The following STK3 variants were observed in gnomAD, a reference collection of about 807,000 sequenced individuals.
The protein encoded by STK3 is serine/threonine-protein kinase 3.
Under a neutral mutation model 58.0 loss-of-function variants are expected in STK3, and 41 were observed. The observed-to-expected ratio is 0.71, with a 90% CI of 0.55 to 0.92. STK3 has a LOEUF of 0.92. Ranked by LOEUF, STK3 falls within the 40% of genes least tolerant of loss-of-function variation. The pLI, the probability that STK3 is intolerant of heterozygous loss-of-function variation, is 0.00. For missense variants in STK3, 479 were observed against 602.7 expected, an observed-to-expected ratio of 0.79 and a Z score of 2.15; for synonymous variants, 170 against 191.0, an observed-to-expected ratio of 0.89 and a Z score of 0.91.
chr8:98,404,656 G>T (rs1054015933), intron 3 of STK3, among the ~76,000 whole-genome samples: 4 of 134,600 alleles, frequency 3.0e-5, no homozygotes, highest in Non-Finnish European at 6.1e-5. Context: ...CTCCAGCCTG[G>T]GTGAAAGAGC....
chr8:98,903,491 T>C (rs939361954), intron 1 of STK3, among the ~76,000 whole-genome samples: 4 of 20,108 alleles, frequency 2.0e-4, no homozygotes, highest in Non-Finnish European at 2.7e-4. Context: ...TAGGAAGTTC[T>C]TCTTCTTCTT....
intron 1 of STK3, among the ~76,000 whole-genome samples, chr8:98,885,708 G>A (rs1837963437): frequency 6.6e-6 from 1 of 152,184 alleles, no homozygotes; most frequent in Non-Finnish European, 1.5e-5. Context: ...CCAAAGTGCT[G>A]GGATTACAGG....
intron 6 of STK3, among the ~76,000 whole-genome samples, chr8:98,682,468 C>T (rs1294929371): frequency 6.6e-6 from 1 of 152,116 alleles, no homozygotes; most frequent in Non-Finnish European, 1.5e-5. Flanking sequence ...AAGTCACTTA[C>T]CGAAATGCTT....
chr8:98,451,238 A>G (rs1222160923), downstream of STK3, among the ~76,000 whole-genome samples: 1 of 152,270 alleles, frequency 6.6e-6, no homozygotes, highest in East Asian at 1.9e-4. Context: ...ATACCAAATT[A>G]TATCTAATAT....
rs774700564 is a variant in STK3, at chr8:98,787,849, G to A, written c.27-13030C>T. 2.2e-4 allele frequency among the ~76,000 whole-genome samples: 33 copies of A among 152,140 alleles called. 2 individuals carry two copies. Among genetic ancestry groups the A allele is most frequent in the Admixed American group, 6.5e-4 (10 of 15,280 alleles). ...AGCGAAACTAAGCTACATAAATGTC[G>A]GAAAGATACAGTCTTTTTCAGACAA... is the stretch of plus-strand genomic sequence containing the variant. On this transcript the variant is annotated intron_variant, in intron 1 of 10. Transcript: ENST00000419617.
intron 3 of STK3, among the ~76,000 whole-genome samples, chr8:98,396,220 T>C (rs557330297): frequency 4.6e-5 from 7 of 152,356 alleles, no homozygotes; most frequent in Admixed American, 6.5e-5. Flanking sequence ...TTCAAAAACA[T>C]CCGCTGTTAA....
intron 1 of STK3, among the ~76,000 whole-genome samples, chr8:98,898,200 C>T (rs1440817694): frequency 2.6e-5 from 4 of 152,228 alleles, no homozygotes; most frequent in Middle Eastern, 3.2e-3. Context: ...TGGCCTGATG[C>T]CGGACCTTAT....
upstream of STK3, among the ~76,000 whole-genome samples, chr8:98,389,880 C>G (rs139776223): frequency 6.6e-6 from 1 of 151,774 alleles, no homozygotes; most frequent in Non-Finnish European, 1.5e-5. Flanking sequence ...GGGAGAAGAA[C>G]CGGACAGCTA....
At chr8:98,729,216 T>C (rs1451743713) in intron 4 of STK3, among the ~76,000 whole-genome samples, 1 of 152,202 alleles carries the variant, frequency 6.6e-6, no homozygotes, top group African/African-American at 2.4e-5. Flanking sequence ...GTTCAAGTGA[T>C]TCTCATGCCT....
At chr8:98,930,646 C>T (rs938173110) in intron 1 of STK3, among the ~76,000 whole-genome samples, 2 of 152,114 alleles carry the variant, frequency 1.3e-5, no homozygotes, top group African/African-American at 2.4e-5. Flanking sequence ...CTTAAATTGC[C>T]TCATTTAGGA....
chr8:98,546,215 T>A (rs1216278904), intron 9 of STK3, among the ~76,000 whole-genome samples: 1 of 152,182 alleles, frequency 6.6e-6, no homozygotes, highest in East Asian at 1.9e-4. Context: ...AACAAAATTA[T>A]AACATGTATT....
At chr8:98,740,952 CT>C (rs1829151286) in intron 4 of STK3, among the ~76,000 whole-genome samples, 1 of 152,064 alleles carries the variant, frequency 6.6e-6, no homozygotes, top group East Asian at 1.9e-4. Context: ...ATCCTAGTCT[CT>C]GATAAAACAG....
At position 98,936,661 on chromosome 8, in the gene STK3, G is replaced by C. The variant is rs987576145; in HGVS notation, c.-79+5717C>G. Among the ~76,000 whole-genome samples, 41 of 152,224 alleles carry C rather than the reference G, an allele frequency of 2.7e-4. 1 individual carries two copies. The highest frequency in any genetic ancestry group is 2.5e-3 in the Admixed American group (38 of 15,288). On this transcript the variant is annotated intron_variant, in intron 1 of 1. Transcript: ENST00000519420. ...GTGAACACACCCATATGACACACTT[G>C]TTCTCCACACTCTCCTGGGCCTGGG...
intron 6 of STK3, among the ~76,000 whole-genome samples, chr8:98,653,766 TC>T (rs1821197828): frequency 6.6e-6 from 1 of 152,064 alleles, no homozygotes; most frequent in Non-Finnish European, 1.5e-5. Context: ...ACATACACCC[TC>T]CCAAGACTAA....
At chr8:98,693,441 A>C (rs1015257638) in intron 6 of STK3, among the ~76,000 whole-genome samples, 1 of 152,164 alleles carries the variant, frequency 6.6e-6, no homozygotes, top group African/African-American at 2.4e-5. Flanking sequence ...AGGAAAATGC[A>C]ATATGGAGAT....
At chr8:98,775,971 A>G (rs1372206705) in intron 1 of STK3, among the ~76,000 whole-genome samples, 1 of 152,228 alleles carries the variant, frequency 6.6e-6, no homozygotes. Flanking sequence ...GAAAAGACAC[A>G]TTAATTTTTC....
chr8:98,925,468 T>A (rs1839753501), intron 1 of STK3, among the ~76,000 whole-genome samples: 1 of 152,238 alleles, frequency 6.6e-6, no homozygotes, highest in Non-Finnish European at 1.5e-5. Context: ...TTTTCTGTAC[T>A]GTATGCCTCA....
At chr8:98,418,634 T>A (rs1405100743) in intron 3 of STK3, among the ~76,000 whole-genome samples, 6 of 152,084 alleles carry the variant, frequency 3.9e-5, no homozygotes, top group Non-Finnish European at 8.8e-5. Flanking sequence ...CTGGGCATGA[T>A]AAAGACAAAC....
chr8:98,806,347 T>G (rs1292794189), intron 1 of STK3, among the ~76,000 whole-genome samples: 1 of 152,210 alleles, frequency 6.6e-6, no homozygotes, highest in Non-Finnish European at 1.5e-5. Flanking sequence ...AACCATGACC[T>G]GCTTCAACTT....
Sources: allele counts gnomAD v4.1 joint callset (sites outside exome capture counted in the v4.1 genomes callset), GRCh38; gene constraint gnomAD v4.1.1; transcripts MANE v1.5; gene names NCBI Gene and HGNC (gene_info 2026-07-23, HGNC 2026-07-21).